Variants in GMDS observed in about 807,000 individuals in gnomAD.
GMDS encodes the protein GDP-mannose 4,6-dehydratase.
In GMDS, 20 loss-of-function variants were observed where a neutral mutation model predicts 49.9. The ratio of observed to expected loss-of-function variants is 0.40; its 90% CI spans 0.28 to 0.58. The LOEUF (loss-of-function observed/expected upper bound fraction) is 0.58. GMDS is among the 20% of genes least tolerant of loss of function. The pLI, the probability that GMDS is intolerant of heterozygous loss-of-function variation, is 0.42. For missense variants in GMDS, 362 were observed against 481.4 expected, an observed-to-expected ratio of 0.75 and a Z score of 2.32; for synonymous variants, 177 against 178.6, an observed-to-expected ratio of 0.99 and a Z score of 0.07.
At chr6:1,816,876 GA>G (rs1248248815) in intron 7 of GMDS, among the ~76,000 whole-genome samples, 1 of 151,502 alleles carries the variant, frequency 6.6e-6, no homozygotes, top group African/African-American at 2.4e-5. Flanking sequence ...AGTTTCAATG[GA>G]AGGGGGGTGG....
At chr6:2,104,839 T>G (rs751044459) in intron 4 of GMDS, among the ~76,000 whole-genome samples, 9 of 152,182 alleles carry the variant, frequency 5.9e-5, no homozygotes, top group Non-Finnish European at 1.2e-4. Flanking sequence ...GATAAATTAA[T>G]TTTTGCTAAA....
chr6:1,820,193 G>C (rs1410160023), intron 7 of GMDS, among the ~76,000 whole-genome samples: 7 of 152,038 alleles, frequency 4.6e-5, no homozygotes, highest in African/African-American at 9.7e-5. Flanking sequence ...AAAGTACTTA[G>C]GGTAGTTAGC....
chr6:2,015,138 C>T (rs1408501356), intron 4 of GMDS, among the ~76,000 whole-genome samples: 2 of 152,064 alleles, frequency 1.3e-5, no homozygotes, highest in Non-Finnish European at 2.9e-5. Flanking sequence ...ATCAGTAATT[C>T]ACAGATCCAA....
At chr6:1,671,757 C>T (rs11757945) in intron 9 of GMDS, among the ~76,000 whole-genome samples, 4 of 150,828 alleles carry the variant, frequency 2.7e-5, no homozygotes, top group South Asian at 4.2e-4. Flanking sequence ...CTCTGCCCCC[C>T]GGGTTCAACT....
At chr6:1,876,015 C>CAA (rs112121475) in intron 7 of GMDS, among the ~76,000 whole-genome samples, 83 of 129,214 alleles carry the variant, frequency 6.4e-4, no homozygotes, top group Non-Finnish European at 8.8e-4. Context: ...AGCACTATCT[C>CAA]AAAAAAAAAA....
At chr6:2,033,842 TGTACTTTTCACAATTGCC>T (rs1447959051) in intron 4 of GMDS, among the ~76,000 whole-genome samples, 3 of 152,212 alleles carry the variant, frequency 2.0e-5, no homozygotes, top group African/African-American at 7.2e-5. Context: ...GTGTTGAAAC[TGTACTTTTCACAATTGCC>T]AAAATGTTTC....
In GMDS at chr6:1,690,749, CAT is replaced by C. The variant is rs544941599; in HGVS notation, c.987+35665_987+35666del. ...AGAAGACATTTATGCAGCCAACAAA[CAT>C]ATAAAAAGAAGCTCAACATCGCTGA... is the stretch of plus-strand genomic sequence containing the variant. On this transcript the variant is annotated intron_variant, in intron 9 of 10. Coordinates refer to ENST00000380815, the MANE Select transcript of GMDS (RefSeq NM_001500.4). Among the ~76,000 whole-genome samples the C allele has an allele frequency of 1.2e-3, 187 of 152,264 alleles. 1 individual carries two copies. The highest frequency in any genetic ancestry group is 2.1e-3 in the Non-Finnish European group (141 of 68,012).
At chr6:1,787,663 T>A (rs530049574) in intron 7 of GMDS, among the ~76,000 whole-genome samples, 1 of 152,340 alleles carries the variant, frequency 6.6e-6, no homozygotes, top group Admixed American at 6.5e-5. Context: ...ACATTTTTAA[T>A]GTGAAGAAGG....
intron 4 of GMDS, among the ~76,000 whole-genome samples, chr6:2,049,508 G>A (rs1426242922): frequency 6.6e-6 from 1 of 152,166 alleles, no homozygotes; most frequent in Admixed American, 6.5e-5. Context: ...AAATGTTCAT[G>A]TTCTAGTCCT....
rs1430253494 is a variant in GMDS at position 2,234,122 on chromosome 6, CA to C, written c.102+11198del. ...GTATCAACCATAAAAATAAAGACAA[CA>C]AACAAAACAAAAACCCTTACTTCTC... is the stretch of plus-strand genomic sequence containing the variant. On this transcript the variant is annotated intron_variant, in intron 1 of 10. Transcript: ENST00000380815. Among the ~76,000 whole-genome samples the C allele has an allele frequency of 2.6e-5, 4 of 152,024 alleles. No individual in the cohort carries two copies. The East Asian group carries it at 5.8e-4, about 22-fold the overall frequency.
intron 1 of GMDS, among the ~76,000 whole-genome samples, chr6:2,243,988 G>A (rs1043944445): frequency 3.3e-5 from 5 of 150,226 alleles, no homozygotes; most frequent in African/African-American, 4.9e-5. Context: ...TCAGCCTCCT[G>A]AGTAGCTAGC....
intron 4 of GMDS, among the ~76,000 whole-genome samples, chr6:2,018,646 C>A (rs1245367815): frequency 2.0e-5 from 3 of 152,114 alleles, no homozygotes; most frequent in Admixed American, 2.0e-4. Context: ...TTTCAAGGTT[C>A]ATCCAAGTTG....
intron 6 of GMDS, chr6:1,930,468 T>C (rs1762237936): frequency 2.7e-6 from 1 of 365,068 alleles, no homozygotes; most frequent in Non-Finnish European, 4.9e-6. Flanking sequence ...ACGTTTTTCT[T>C]TGGGGGACAT....
At chr6:1,791,582 T>C (rs972431574) in intron 7 of GMDS, among the ~76,000 whole-genome samples, 43 of 152,282 alleles carry the variant, frequency 2.8e-4, no homozygotes, top group African/African-American at 9.9e-4. Context: ...CATATGAATT[T>C]TGGGGAGACA....
At chr6:1,793,191 T>A (rs902837571) in intron 7 of GMDS, among the ~76,000 whole-genome samples, 2 of 152,188 alleles carry the variant, frequency 1.3e-5, no homozygotes, top group Non-Finnish European at 2.9e-5. Context: ...TCCTGGGTCA[T>A]GATACATTCC....
intron 4 of GMDS, among the ~76,000 whole-genome samples, chr6:1,987,565 G>A (rs909551156): frequency 1.3e-5 from 2 of 152,162 alleles, no homozygotes; most frequent in African/African-American, 4.8e-5. Flanking sequence ...CTGCCTTTTA[G>A]AGCTTACATT....
chr6:1,927,414 T>C (rs1762076666), intron 7 of GMDS, among the ~76,000 whole-genome samples: 1 of 152,182 alleles, frequency 6.6e-6, no homozygotes, highest in South Asian at 2.1e-4. Flanking sequence ...AGCGTGTTGC[T>C]GTGTTTTTAC....
chr6:1,825,829 G>C (rs1333217170), intron 7 of GMDS, among the ~76,000 whole-genome samples: 1 of 152,100 alleles, frequency 6.6e-6, no homozygotes, highest in Non-Finnish European at 1.5e-5. Flanking sequence ...CCGCCTGGCA[G>C]ACATGGCGAA....
At chr6:1,784,014 T>C (rs1237500868) in intron 7 of GMDS, among the ~76,000 whole-genome samples, 1 of 152,152 alleles carries the variant, frequency 6.6e-6, no homozygotes, top group Non-Finnish European at 1.5e-5. Flanking sequence ...ATGTCTCAAC[T>C]TCACTGAAGG....
Sources: allele counts gnomAD v4.1 joint callset (sites outside exome capture counted in the v4.1 genomes callset), GRCh38; gene constraint gnomAD v4.1.1; transcripts MANE v1.5; gene names NCBI Gene and HGNC (gene_info 2026-07-23, HGNC 2026-07-21).